The following LAMTOR5 variants were observed in gnomAD, a reference collection of about 807,000 sequenced individuals.
LAMTOR5 encodes the protein late endosomal/lysosomal adaptor, MAPK and MTOR activator 5.
A neutral mutation model predicts 12.1 loss-of-function variants in LAMTOR5; 8 were observed. The ratio of observed to expected loss-of-function variants is 0.66; its 90% CI spans 0.39 to 1.19. The LOEUF is 1.19. LAMTOR5 is among the 50% of genes most tolerant of loss of function. The pLI, the probability that LAMTOR5 is intolerant of heterozygous loss-of-function variation, is 0.01. For missense variants in LAMTOR5, 110 were observed against 112.8 expected (o/e 0.97, Z 0.11); for synonymous variants, 37 against 41.9 (o/e 0.88, Z 0.45).
In LAMTOR5 at chr1:110,407,427, T is replaced by G. The variant is rs1663356250; in HGVS notation, c.35+159A>C. On this transcript the variant is annotated intron_variant, in intron 1 of 3. Transcript: ENST00000602318. ...TAATTCCGGGTCACCCGCCCCGCCC[T>G]GCGGCCTTGGGTAGAGTTTAGCCCC... is the stretch of plus-strand genomic sequence containing the variant. 16 of 916,976 alleles carry G rather than the reference T, an allele frequency of 1.7e-5. No individual in the cohort carries two copies. In the Admixed American group the frequency reaches 2.9e-4, roughly 17 times the overall value. 56.8% of individuals were successfully genotyped at this position (916,976 alleles called of 1,614,324 possible).
At chr1:110,404,079 GTATTTCTGCTAAAA>G (rs1211222960) in intron 2 of LAMTOR5, 43 bp from the exon 3 acceptor site, 1 of 1,598,328 alleles carries the variant, frequency 6.3e-7, no homozygotes, top group Non-Finnish European at 8.5e-7. Flanking sequence ...TGCTCATAGA[GTATTTCTGCTAAAA>G]TAAGCTAGCT....
rs1006878588 is a variant in LAMTOR5, at chr1:110,401,458, A to G, written c.*65T>C. 32 of 1,539,666 alleles carry G rather than the reference A, an allele frequency of 2.1e-5. No homozygotes were observed. The highest frequency in any genetic ancestry group is 2.7e-5 in the Non-Finnish European group (30 of 1,122,000). On this transcript the variant is annotated 3_prime_UTR_variant, in exon 4 of 4. Coordinates refer to ENST00000602318, the MANE Select transcript of LAMTOR5 (RefSeq NM_001382293.1). The stretch of plus-strand genomic sequence containing the variant: ...TAACTACTGGAACTTTAGTAGTTCT[A>G]TAAGGTAATTAACATAGGTAGGATC...
At position 110,407,396 on chromosome 1, in the gene LAMTOR5, G is replaced by A. The variant is rs1327178388; in HGVS notation, c.35+190C>T. The A allele has an allele frequency of 9.7e-6, 7 of 723,416 alleles. No homozygotes were observed. The African/African-American group carries it at 1.1e-4, about 11-fold the overall frequency. 44.8% of individuals were successfully genotyped at this position (723,416 alleles called of 1,614,324 possible). The stretch of plus-strand genomic sequence containing the variant: ...AAGAGGGAATGTGCGGTGCCCGGCA[G>A]GATTTTAATTCCGGGTCACCCGCCC... On this transcript the variant is annotated intron_variant, in intron 1 of 3. Coordinates refer to ENST00000602318, the MANE Select transcript of LAMTOR5 (RefSeq NM_001382293.1).
chr1:110,406,695 A>T (rs769722459), intron 1 of LAMTOR5: 65 of 288,898 alleles, frequency 2.2e-4, no homozygotes, highest in Non-Finnish European at 3.7e-4. Flanking sequence ...GTGGTGGCGC[A>T]TGACTGTAAT....
intron 2 of LAMTOR5, among the ~76,000 whole-genome samples, chr1:110,405,047 CAAAAA>C (rs34710454): frequency 3.3e-5 from 2 of 61,346 alleles, no homozygotes; most frequent in East Asian, 3.5e-4. Flanking sequence ...GATTTCGTCT[CAAAAA>C]AAAAAAAAAA....
In LAMTOR5 at chr1:110,406,331, T is replaced by G; in HGVS notation, c.84A>C (p.Gly28=). The change falls in exon 2 of 4, where the codon GGA becomes GGC. Residue 28 remains glycine, a synonymous_variant. Coordinates refer to ENST00000602318, the MANE Select transcript of LAMTOR5 (RefSeq NM_001382293.1). ...IVGVLCTDSQ[G]LNLGCRGTLS... is the part of the protein sequence containing the mutation. ...AGAGATACTTACAACCCAGATTAAG[T>G]CCTTGTGAATCTGTGCACAGGACTC... The G allele has an allele frequency of 6.2e-7, 1 of 1,606,870 alleles. No homozygotes were observed. The highest frequency in any genetic ancestry group is 8.5e-7 in the Non-Finnish European group (1 of 1,176,184).
upstream of LAMTOR5, chr1:110,407,796 T>A: frequency 6.2e-7 from 1 of 1,614,068 alleles, no homozygotes; most frequent in Non-Finnish European, 8.5e-7. Context: ...TGCGCTTCCG[T>A]CGCACAGAGC....
upstream of LAMTOR5, chr1:110,407,757 C>A (rs747611309): frequency 5.0e-6 from 8 of 1,614,194 alleles, no homozygotes; most frequent in East Asian, 1.6e-4. Context: ...CACGGTGCAA[C>A]GTCCGCGTTC....
chr1:110,407,783 C>G (rs1237146974), upstream of LAMTOR5: 2 of 1,614,146 alleles, frequency 1.2e-6, no homozygotes, highest in South Asian at 2.2e-5. Context: ...TGGAAAACAT[C>G]ACTGCGCTTC....
intron 1 of LAMTOR5, chr1:110,407,016 T>C (rs764464436): frequency 1.4e-6 from 1 of 692,276 alleles, no homozygotes; most frequent in Non-Finnish European, 2.6e-6. Flanking sequence ...AAACAACTGT[T>C]GAAAAACTCA....
chr1:110,407,375 G>A (rs777676176), intron 1 of LAMTOR5: 3 of 648,022 alleles, frequency 4.6e-6, no homozygotes, highest in African/African-American at 1.8e-5. Flanking sequence ...TCGCTCAAGA[G>A]GGAATGTGCG....
chr1:110,406,682 G>C, intron 1 of LAMTOR5: 1 of 284,184 alleles, frequency 3.5e-6, no homozygotes, highest in Non-Finnish European at 6.6e-6. Flanking sequence ...AAATTAGCCA[G>C]GCGTGGTGGC....
chr1:110,405,353 T>A (rs1663306740), intron 2 of LAMTOR5, among the ~76,000 whole-genome samples: 1 of 152,004 alleles, frequency 6.6e-6, no homozygotes. Flanking sequence ...TTAGTAGAGA[T>A]GTGGTTTCAC....
rs1211467251 is a variant in LAMTOR5 at position 110,403,129 on chromosome 1, T to C, written c.215+790A>G. The stretch of plus-strand genomic sequence containing the variant: ...ACCACCTAGGTTTAAGTACACTCTA[T>C]GATGTTCATACAACAAAACTGCCTG... On this transcript the variant is annotated intron_variant, in intron 3 of 3. Transcript: ENST00000602318. 3.3e-5 allele frequency among the ~76,000 whole-genome samples: 5 copies of C among 152,238 alleles called. No individual in the cohort carries two copies. In the East Asian group the frequency reaches 9.6e-4, roughly 29 times the overall value.
At chr1:110,407,390 CCGGCAGGA>C (rs1290372686) in intron 1 of LAMTOR5, 188 bp downstream of exon 1, 2 of 695,390 alleles carry the variant, frequency 2.9e-6, no homozygotes. Context: ...TGTGCGGTGC[CCGGCAGGA>C]TTTTAATTCC....
chr1:110,401,630 T>C (rs200070449), intron 3 of LAMTOR5, 47 bp from the exon 4 acceptor site: 5 of 1,550,582 alleles, frequency 3.2e-6, no homozygotes, highest in Non-Finnish European at 4.4e-6. Flanking sequence ...TCAGTGGGAC[T>C]TCACTGCAAG....
intron 3 of LAMTOR5, among the ~76,000 whole-genome samples, chr1:110,402,445 C>T (rs143945103): frequency 5.8e-4 from 88 of 152,210 alleles, no homozygotes; most frequent in Middle Eastern, 3.4e-3. Context: ...CAGGGTTTCA[C>T]CATGTTGGTT....
At chr1:110,403,516 G>A (rs1570670057) in intron 3 of LAMTOR5, 1 of 157,650 alleles carries the variant, frequency 6.3e-6, no homozygotes, top group Non-Finnish European at 1.4e-5. Context: ...GGGAGGCTGA[G>A]TTGGGTGAAT....
chr1:110,402,295 G>A (rs1423547491), intron 3 of LAMTOR5, among the ~76,000 whole-genome samples: 30 of 152,106 alleles, frequency 2.0e-4, no homozygotes, highest in Admixed American at 2.0e-3. Flanking sequence ...CTGTTGCCCA[G>A]GCTGGAGGGC....
Sources: gnomAD v4.1 joint callset for allele counts (sites outside exome capture counted in the v4.1 genomes callset) on GRCh38, gnomAD v4.1.1 for gene constraint, MANE v1.5 for transcripts, NCBI Gene and HGNC (gene_info 2026-07-23, HGNC 2026-07-21) for gene names.